Variants in ASPH observed in about 807,000 individuals in gnomAD.
The protein encoded by ASPH is aspartyl/asparaginyl beta-hydroxylase.
In ASPH, 100 loss-of-function variants were observed where a neutral mutation model predicts 118.4. The observed-to-expected ratio is 0.84, with a 90% CI of 0.72 to 1.00. The LOEUF (loss-of-function observed/expected upper bound fraction) is 1.00. Among genes scored for constraint, ASPH ranks in the 50% least tolerant of loss-of-function variants. The pLI, the probability that ASPH is intolerant of heterozygous loss-of-function variation, is 0.00. For missense variants in ASPH, 920 were observed against 919.5 expected (o/e 1.00, Z -0.01); for synonymous variants, 315 against 325.6 (o/e 0.97, Z 0.35).
Position 61,679,835 on chromosome 8 carries a change from G to A in ASPH, c.322+1133C>T, listed in dbSNP as rs1262115803. ...ATATATTTAGAGAAACTCAAATATA[G>A]ATACACAATGACAGGACTACATTGA... is the stretch of plus-strand genomic sequence containing the variant. On this transcript the variant is annotated intron_variant, in intron 3 of 24. Coordinates refer to ENST00000379454, the MANE Select transcript of ASPH (RefSeq NM_004318.4). 2.0e-5 allele frequency among the ~76,000 whole-genome samples: 3 copies of A among 149,248 alleles called. No homozygotes were observed. In the Admixed American group the frequency reaches 2.0e-4, roughly 10 times the overall value.
chr8:61,568,707 G>T (rs754812754), intron 16 of ASPH, among the ~76,000 whole-genome samples: 11 of 152,240 alleles, frequency 7.2e-5, no homozygotes, highest in Non-Finnish European at 1.5e-4. Flanking sequence ...AAAAGAAGCG[G>T]TCCAAGAACT....
chr8:61,663,391 T>C (rs1416334575), intron 3 of ASPH: 1 of 985,384 alleles, frequency 1.0e-6, no homozygotes, highest in East Asian at 1.1e-4. Context: ...CCATCTGCAT[T>C]GGGATTGGTA....
intron 3 of ASPH, chr8:61,662,984 T>G: frequency 1.0e-6 from 1 of 985,428 alleles, no homozygotes; most frequent in South Asian, 4.7e-5. Context: ...ACCAGAATGC[T>G]CTCAACAAAT....
intron 10 of ASPH, among the ~76,000 whole-genome samples, chr8:61,639,727 A>C (rs1804179292): frequency 2.0e-5 from 3 of 152,156 alleles, no homozygotes; most frequent in African/African-American, 7.2e-5. Context: ...CTGAGAGTCA[A>C]ACACCACCAA....
chr8:61,684,128 A>T lies in ASPH; in HGVS notation c.164T>A (p.Phe55Tyr). The T allele has an allele frequency of 1.2e-6, 2 of 1,613,754 alleles. No homozygotes were observed. The highest frequency in any genetic ancestry group is 2.2e-5 in the South Asian group (2 of 91,050). The change falls in exon 2 of 25, where the codon TTC becomes TAC. Residue 55 changes from phenylalanine (F) to tyrosine (Y), a missense_variant. By Grantham distance (22) the Phe-to-Tyr change is conservative. Coordinates refer to ENST00000379454, the MANE Select transcript of ASPH (RefSeq NM_004318.4). ...CAATGCAATCACCATAAACCACGTG[A>T]AGAATGAAGTTCCTGAGAGTCCGCC... ...RKGGLSGTSF[F>Y]TWFMVIALLG...
At chr8:61,677,381 G>GT (rs1386469452) in intron 3 of ASPH, among the ~76,000 whole-genome samples, 1 of 152,118 alleles carries the variant, frequency 6.6e-6, no homozygotes, top group African/African-American at 2.4e-5. Flanking sequence ...TGTTCTGACT[G>GT]TAAGAAATGT....
At chr8:61,522,947 G>C (rs1247881700) in intron 22 of ASPH, among the ~76,000 whole-genome samples, 2 of 152,064 alleles carry the variant, frequency 1.3e-5, no homozygotes, top group African/African-American at 4.8e-5. Flanking sequence ...CTGGGGGTTA[G>C]GGCTTCAACA....
chr8:61,507,768 T>G (rs534467081), intron 24 of ASPH, among the ~76,000 whole-genome samples: 19 of 152,332 alleles, frequency 1.2e-4, no homozygotes, highest in African/African-American at 3.8e-4. Context: ...TCAGGCCACT[T>G]GCTTTGTGAA....
intron 21 of ASPH, among the ~76,000 whole-genome samples, chr8:61,533,479 C>T (rs1382659463): frequency 2.0e-5 from 3 of 152,064 alleles, no homozygotes; most frequent in Non-Finnish European, 4.4e-5. Flanking sequence ...GTTCATCTTT[C>T]GTGTTAAAAA....
rs1208246548 is a variant in ASPH, at chr8:61,501,099, T to G, written c.*2260A>C. On this transcript the variant is annotated 3_prime_UTR_variant, in exon 25 of 25. Coordinates refer to ENST00000379454, the MANE Select transcript of ASPH (RefSeq NM_004318.4). ...AACTGTATCACAATATAAATTAAAC[T>G]AATTCATTTTTGTGTAGACATACGA... The G allele has an allele frequency of 6.6e-6, 1 of 152,172 alleles. No individual in the cohort carries two copies. The highest frequency in any genetic ancestry group is 1.5e-5 in the Non-Finnish European group (1 of 68,016). 9.4% of individuals were successfully genotyped at this position (152,172 alleles called of 1,614,324 possible).
chr8:61,646,837 C>A lies in ASPH; in HGVS notation c.532G>T (p.Glu178Ter). The A allele has an allele frequency of 1.2e-6, 2 of 1,613,930 alleles. No individual in the cohort carries two copies. Among genetic ancestry groups the A allele is most frequent in the Non-Finnish European group, 1.7e-6 (2 of 1,179,890 alleles). Residue 178 changes from glutamate to a stop codon, truncating the protein, a stop_gained, in exon 6 of 25, where the codon GAA becomes TAA. Coordinates refer to ENST00000379454, the MANE Select transcript of ASPH (RefSeq NM_004318.4). LOFTEE classifies it high-confidence loss of function. ...AACTCATCATCCTCTTGTTGTGGTT[C>A]TCCTGTGGGTCCATCTTCTTGTTGC... ...DLQQEDGPTG[E>*]PQQEDDEFLM...
intron 3 of ASPH, among the ~76,000 whole-genome samples, chr8:61,666,303 C>A (rs1588925466): frequency 6.6e-6 from 1 of 152,220 alleles, no homozygotes; most frequent in South Asian, 2.1e-4. Flanking sequence ...GTTGAGAGAG[C>A]AATTAAATGA....
chr8:61,632,199 T>C (rs1418814366), intron 13 of ASPH, among the ~76,000 whole-genome samples: 1 of 152,200 alleles, frequency 6.6e-6, no homozygotes, highest in African/African-American at 2.4e-5. Flanking sequence ...CCTCAGAAAC[T>C]TGGTGTTTCA....
At chr8:61,688,989 T>G (rs935088890) in intron 1 of ASPH, among the ~76,000 whole-genome samples, 12 of 152,236 alleles carry the variant, frequency 7.9e-5, no homozygotes, top group African/African-American at 2.7e-4. Context: ...AGCTGAGAGT[T>G]AGAAGCAGTT....
chr8:61,674,326 G>C (rs1824156080), intron 3 of ASPH, among the ~76,000 whole-genome samples: 1 of 152,118 alleles, frequency 6.6e-6, no homozygotes, highest in African/African-American at 2.4e-5. Flanking sequence ...ATTTTCAGAA[G>C]GAACATTACT....
At chr8:61,553,219 T>TA (rs1826651989) in intron 19 of ASPH, 99 bp from the exon 20 acceptor site, 1 of 902,512 alleles carries the variant, frequency 1.1e-6, no homozygotes, top group African/African-American at 1.7e-5. Context: ...TATGAAAACC[T>TA]AAAAACCAGA....
At chr8:61,561,673 A>T (rs1443116812) in intron 18 of ASPH, among the ~76,000 whole-genome samples, 1 of 152,208 alleles carries the variant, frequency 6.6e-6, no homozygotes, top group East Asian at 1.9e-4. Flanking sequence ...CTGTAATCCC[A>T]GCTATTTGGG....
chr8:61,662,046 T>G (rs1413387796), intron 3 of ASPH: 1 of 354,138 alleles, frequency 2.8e-6, no homozygotes, highest in Non-Finnish European at 5.1e-6. Flanking sequence ...AAACAGAAAT[T>G]AGATGACACA....
chr8:61,655,230 C>A (rs1813028737), intron 3 of ASPH, among the ~76,000 whole-genome samples: 1 of 152,146 alleles, frequency 6.6e-6, no homozygotes, highest in Non-Finnish European at 1.5e-5. Flanking sequence ...AGATTCCCTG[C>A]AGGGCCAGGG....
Sources: allele counts gnomAD v4.1 joint callset (sites outside exome capture counted in the v4.1 genomes callset), GRCh38; gene constraint gnomAD v4.1.1; transcripts MANE v1.5; gene names NCBI Gene and HGNC (gene_info 2026-07-23, HGNC 2026-07-21).